Variants in NEB observed in about 807,000 individuals in gnomAD.
The protein encoded by NEB is nemaline myopathy type 2.
A neutral mutation model predicts 952.2 loss-of-function variants in NEB; 512 were observed. The observed-to-expected ratio is 0.54, with a 90% CI of 0.50 to 0.58. The LOEUF (loss-of-function observed/expected upper bound fraction) is 0.58, where lower values mean the gene tolerates loss of function less well. NEB is among the 20% of genes least tolerant of loss of function. The pLI is 0.00. For missense variants in NEB, 8,428 were observed against 9,231.1 expected (o/e 0.91, Z 3.56); for synonymous variants, 2,900 against 3,149.8 (o/e 0.92, Z 2.66).
At chr2:151,634,076 A>C in intron 64 of NEB, 111 bp from the exon 65 acceptor site, 1 of 1,239,874 alleles carries the variant, frequency 8.1e-7, no homozygotes. Flanking sequence ...GTTAACAAGT[A>C]CTAACTCAAG....
intron 153 of NEB, among the ~76,000 whole-genome samples, chr2:151,521,981 A>G (rs902840522): frequency 6.6e-6 from 1 of 152,182 alleles, no homozygotes; most frequent in African/African-American, 2.4e-5. Context: ...TAGTAAAACT[A>G]CATACACTTG....
chr2:151,672,332 T>C, intron 37 of NEB, 37 bp downstream of exon 37: 1 of 1,520,558 alleles, frequency 6.6e-7, no homozygotes. Flanking sequence ...ATCCTTTAAG[T>C]GCAAACATCT....
chr2:151,656,598 TCA>T (rs35059848), intron 48 of NEB, 134 bp from the exon 49 acceptor site: 87,619 of 411,312 alleles, frequency 0.21, 13,025 homozygotes, highest in East Asian at 0.51. Flanking sequence ...GCTCTATAGT[TCA>T]CAGACTAATT....
intron 172 of NEB, 43 bp downstream of exon 172, chr2:151,496,898 T>C: frequency 6.7e-7 from 1 of 1,498,186 alleles, no homozygotes; most frequent in Non-Finnish European, 9.1e-7. Flanking sequence ...TGAAATAGTT[T>C]TTAAAATCAG....
At position 151,503,390 on chromosome 2, in the gene NEB, CTG is replaced by C; in HGVS notation, c.23792_23793del (p.Pro7931ArgfsTer3). The C allele has an allele frequency of 6.2e-7, 1 of 1,612,934 alleles. No individual in the cohort carries two copies. The highest frequency in any genetic ancestry group is 8.5e-7 in the Non-Finnish European group (1 of 1,179,122). ...LGTGIPTTVT[P>X]EIERVKRNQE... ...TGATTGCGTTTGACTCTCTCAATCT[CTG>C]GAGTCACAGTGGTTGGAATGCCTGT... On this transcript the variant is annotated frameshift_variant, in exon 166 of 182. Coordinates refer to ENST00000397345, the MANE Select transcript of NEB (RefSeq NM_001164508.2). LOFTEE classifies it high-confidence loss of function.
intron 70 of NEB, among the ~76,000 whole-genome samples, chr2:151,625,883 C>T (rs759587697): frequency 1.7e-4 from 26 of 152,072 alleles, no homozygotes; most frequent in Non-Finnish European, 3.7e-4. Context: ...CATATACACA[C>T]CCACGTGTGT....
intron 124 of NEB, among the ~76,000 whole-genome samples, chr2:151,558,118 C>T (rs943479101): frequency 5.3e-5 from 8 of 152,178 alleles, no homozygotes; most frequent in South Asian, 2.1e-4. Flanking sequence ...ATTTAGAAAA[C>T]CCAACCGTCT....
chr2:151,485,665 C>T lies in NEB; in HGVS notation c.*95G>A, dbSNP rs2049714734. Reference sequence around the variant, plus strand: ...CACATTGACACAGAAAAACCATAGGCAGCTTGAGAACTTAGGTAACAGTGG... The same window carrying T: ...CACATTGACACAGAAAAACCATAGGTAGCTTGAGAACTTAGGTAACAGTGG... On this transcript the variant is annotated 3_prime_UTR_variant, in exon 182 of 182. Coordinates refer to ENST00000397345, the MANE Select transcript of NEB (RefSeq NM_001164508.2). 5.7e-6 allele frequency: 7 copies of T among 1,218,376 alleles called. No homozygotes were observed. Among genetic ancestry groups the T allele is most frequent in the African/African-American group, 1.5e-5 (1 of 66,196 alleles). The allele number at this position is 1,218,376 out of a possible 1,614,324, so 75.5% of individuals were successfully genotyped here.
chr2:151,503,327 T>A, intron 166 of NEB, 22 bp downstream of exon 166: 1 of 1,531,660 alleles, frequency 6.5e-7, no homozygotes, highest in Non-Finnish European at 9.0e-7. Context: ...AATAGTTTCT[T>A]ATATGATATA....
At chr2:151,551,220 C>T (rs2095314425) in intron 129 of NEB, among the ~76,000 whole-genome samples, 1 of 151,876 alleles carries the variant, frequency 6.6e-6, no homozygotes. Context: ...CTGCCCGCCT[C>T]AGCCTCCCAA....
chr2:151,707,085 C>A lies in NEB; in HGVS notation c.1036-88G>T. On this transcript the variant is annotated intron_variant, in intron 12 of 181. Transcript: ENST00000397345. Reference sequence around the variant, plus strand: ...ATGAATATGACATACTTCCACAAATCAATTTTCTCTTTAGAAAAATGGCAG... The same window carrying A: ...ATGAATATGACATACTTCCACAAATAAATTTTCTCTTTAGAAAAATGGCAG... 3 of 796,462 alleles carry A rather than the reference C, an allele frequency of 3.8e-6. No homozygotes were observed. The South Asian group carries it at 5.6e-5, about 15-fold the overall frequency. The allele number at this position is 796,462 out of a possible 1,614,324, so 49.3% of individuals were successfully genotyped here. A position where few individuals can be genotyped will look rare whatever the true frequency, so the allele number is the denominator to read the frequency against.
At chr2:151,620,294 T>C (rs1475761142) in intron 72 of NEB, among the ~76,000 whole-genome samples, 3 of 139,692 alleles carry the variant, frequency 2.1e-5, no homozygotes, top group Non-Finnish European at 4.7e-5. Flanking sequence ...CCAAACAGTA[T>C]ACTTGAAAAT....
chr2:151,613,537 C>G (rs2098089456), intron 77 of NEB, among the ~76,000 whole-genome samples: 1 of 152,180 alleles, frequency 6.6e-6, no homozygotes, highest in Non-Finnish European at 1.5e-5. Flanking sequence ...AGTATTGACA[C>G]TACACCTGAC....
intron 10 of NEB, 91 bp downstream of exon 10, chr2:151,717,325 C>G: frequency 1.1e-6 from 1 of 892,320 alleles, no homozygotes; most frequent in South Asian, 1.4e-5. Flanking sequence ...TGTGTTTTAT[C>G]TTCAGTCTCA....
Position 151,496,410 on chromosome 2 carries a change from CAT to C in NEB, c.24394-44_24394-43del, listed in dbSNP as rs1321196395. Reference sequence around the variant, plus strand: ...CATCCAGAAAAACAACCATGAGTAACATTTCATTTGTTGAGAGGTTTTAAGGG... The same window carrying C: ...CATCCAGAAAAACAACCATGAGTAACTTCATTTGTTGAGAGGTTTTAAGGG... On this transcript the variant is annotated intron_variant, in intron 172 of 181. Transcript: ENST00000397345. The C allele has an allele frequency of 3.2e-6, 5 of 1,566,326 alleles. No homozygotes were observed. In the East Asian group the frequency reaches 1.1e-4, roughly 36 times the overall value.
intron 169 of NEB, among the ~76,000 whole-genome samples, 200 bp downstream of exon 169, chr2:151,499,097 CT>C (rs927526327): frequency 6.6e-6 from 1 of 151,954 alleles, no homozygotes; most frequent in Non-Finnish European, 1.5e-5. Context: ...ATACTGAACA[CT>C]TTTTTTATTA....
chr2:151,627,121 C>T lies in NEB; in HGVS notation c.10228G>A (p.Ala3410Thr), dbSNP rs1298375132. ...GSMDVVKCKR[A>T]AEILSDNIYR... is the part of the protein sequence containing the mutation. ...ATGTTATCACTCAGTATTTCAGCAG[C>T]TCTCTTGCACTTGACCACATCCATA... is the stretch of plus-strand genomic sequence containing the variant. The change falls in exon 70 of 182, where the codon GCT becomes ACT. Residue 3410 changes from alanine to threonine, a missense_variant. Physicochemically the swap from Ala to Thr is moderately conservative, Grantham distance 58 (BLOSUM62 0). This residue lies in a region of NEB where 1,772 missense variants were observed against 1,960.3 expected (regional missense o/e 0.90). Transcript: ENST00000397345. 1 of 1,613,970 alleles carries T rather than the reference C, an allele frequency of 6.2e-7. No individual in the cohort carries two copies. The highest frequency in any genetic ancestry group is 8.5e-7 in the Non-Finnish European group (1 of 1,179,872).
At chr2:151,659,019 C>T (rs2099116857) in intron 47 of NEB, 46 bp downstream of exon 47, 1 of 1,322,706 alleles carries the variant, frequency 7.6e-7, no homozygotes. Flanking sequence ...CTTACTGGTT[C>T]AAATCTGCTG....
intron 37 of NEB, 198 bp from the exon 38 acceptor site, chr2:151,671,427 A>C: frequency 1.9e-6 from 1 of 518,072 alleles, no homozygotes; most frequent in African/African-American, 1.9e-5. Context: ...TACAACACAG[A>C]AGGGAATCTA....
Sources: gnomAD v4.1 joint callset for allele counts (sites outside exome capture counted in the v4.1 genomes callset) on GRCh38, gnomAD v4.1.1 for gene constraint, gnomAD v4.1.1 regional missense constraint, MANE v1.5 for transcripts, NCBI Gene and HGNC (gene_info 2026-07-23, HGNC 2026-07-21) for gene names.